EPHB1: variants seen among roughly 807,000 people sequenced by gnomAD.
The protein encoded by EPHB1 is ephrin type-B receptor 1.
A neutral mutation model predicts 94.4 loss-of-function variants in EPHB1; 30 were observed. That is an observed-to-expected ratio of 0.32 (90% CI 0.24 to 0.43). The LOEUF is 0.43. Among genes scored for constraint, EPHB1 ranks in the 20% least tolerant of loss-of-function variants. The pLI, the probability that EPHB1 is intolerant of heterozygous loss-of-function variation, is 1.00. For missense variants in EPHB1, 1,055 were observed against 1,308.3 expected (o/e 0.81, Z 2.99); for synonymous variants, 522 against 489.1 (o/e 1.07, Z -0.89).
At chr3:134,800,736 C>T (rs536614915) in intron 1 of EPHB1, among the ~76,000 whole-genome samples, 1 of 152,222 alleles carries the variant, frequency 6.6e-6, no homozygotes, top group African/African-American at 2.4e-5. Flanking sequence ...CTAAAGGGCC[C>T]CAGTGATTCA....
chr3:134,865,621 C>A, intron 1 of EPHB1, among the ~76,000 whole-genome samples: 1 of 145,760 alleles, frequency 6.9e-6, no homozygotes. Flanking sequence ...TAAAATGAAA[C>A]ATCAGCACAA....
intron 12 of EPHB1, among the ~76,000 whole-genome samples, chr3:135,228,809 T>C (rs1327840720): frequency 6.6e-6 from 1 of 151,996 alleles, no homozygotes; most frequent in Non-Finnish European, 1.5e-5. Context: ...CACAAGCCAA[T>C]CCTTTTGTTT....
At chr3:135,194,272 T>A (rs1483656254) in intron 11 of EPHB1, among the ~76,000 whole-genome samples, 1 of 152,212 alleles carries the variant, frequency 6.6e-6, no homozygotes, top group Admixed American at 6.5e-5. Context: ...CTGCCATCAA[T>A]GTAGTCCCTA....
At chr3:135,043,263 T>C (rs1010752912) in intron 3 of EPHB1, among the ~76,000 whole-genome samples, 1 of 148,084 alleles carries the variant, frequency 6.8e-6, no homozygotes, top group African/African-American at 2.5e-5. Context: ...AAATAATAAA[T>C]AATAATAATA....
At chr3:134,896,955 C>T (rs112865742) in intron 1 of EPHB1, among the ~76,000 whole-genome samples, 9 of 152,326 alleles carry the variant, frequency 5.9e-5, no homozygotes, top group African/African-American at 1.7e-4. Context: ...ATGCTCCTTG[C>T]GTAATATCTG....
At chr3:135,247,285 T>C (rs1443969770) in intron 13 of EPHB1, among the ~76,000 whole-genome samples, 1 of 152,246 alleles carries the variant, frequency 6.6e-6, no homozygotes, top group Non-Finnish European at 1.5e-5. Context: ...TTTTGTTTTT[T>C]ACAAAGCAAG....
intron 3 of EPHB1, among the ~76,000 whole-genome samples, chr3:135,098,865 A>C (rs1485367199): frequency 2.0e-5 from 3 of 151,900 alleles, no homozygotes; most frequent in Non-Finnish European, 4.4e-5. Context: ...TACAAAAATT[A>C]GTTAGGTGGT....
chr3:134,874,823 G>A (rs2037583896), intron 1 of EPHB1, among the ~76,000 whole-genome samples: 1 of 152,192 alleles, frequency 6.6e-6, no homozygotes, highest in Admixed American at 6.5e-5. Flanking sequence ...GTTCATGATT[G>A]TAGTTACCCG....
intron 3 of EPHB1, among the ~76,000 whole-genome samples, chr3:135,004,430 A>G (rs529825534): frequency 4.5e-4 from 69 of 151,840 alleles, no homozygotes; most frequent in African/African-American, 1.6e-3. Flanking sequence ...TCTGACACTT[A>G]TGTGTCTTGG....
At chr3:135,076,003 A>G (rs1329873299) in intron 3 of EPHB1, among the ~76,000 whole-genome samples, 1 of 152,182 alleles carries the variant, frequency 6.6e-6, no homozygotes, top group Non-Finnish European at 1.5e-5. Context: ...TGCTGAAACA[A>G]TTGGATATCC....
At chr3:134,959,966 CTTTTTT>C (rs61369813) in intron 3 of EPHB1, among the ~76,000 whole-genome samples, 67 of 107,288 alleles carry the variant, frequency 6.2e-4, no homozygotes, top group East Asian at 2.1e-3. Context: ...ACATCTGCAC[CTTTTTT>C]TTTTTTTTTT....
Position 134,834,362 on chromosome 3 carries a change from C to G in EPHB1, c.58+38673C>G, listed in dbSNP as rs190296670. On this transcript the variant is annotated intron_variant, in intron 1 of 15. Transcript: ENST00000398015. Reference sequence around the variant, plus strand: ...TTCTGATCTGGATTCCTAACTCTCCCCTCTAGTAGACCTCCAGAGTTAAGA... The same window carrying G: ...TTCTGATCTGGATTCCTAACTCTCCGCTCTAGTAGACCTCCAGAGTTAAGA... Among the ~76,000 whole-genome samples, 620 of 152,194 alleles carry G rather than the reference C, an allele frequency of 4.1e-3. 25 individuals are homozygous for G. The South Asian group carries it at 0.079, about 19-fold the overall frequency.
chr3:135,030,971 G>C (rs1479498867), intron 3 of EPHB1, among the ~76,000 whole-genome samples: 1 of 152,186 alleles, frequency 6.6e-6, no homozygotes, highest in Non-Finnish European at 1.5e-5. Context: ...ATTCGGGTGG[G>C]TGTGACCCTA....
At chr3:134,972,785 A>T (rs1934029589) in intron 3 of EPHB1, among the ~76,000 whole-genome samples, 2 of 152,230 alleles carry the variant, frequency 1.3e-5, no homozygotes, top group South Asian at 4.1e-4. Context: ...GAAGTTGTGG[A>T]TGGACTTCTC....
At chr3:135,201,767 G>A in intron 12 of EPHB1, 78 bp downstream of exon 12, 1 of 1,377,332 alleles carries the variant, frequency 7.3e-7, no homozygotes. Flanking sequence ...AACTGTGACA[G>A]GGCACACTGG....
At chr3:135,082,547 T>G (rs1938201265) in intron 3 of EPHB1, among the ~76,000 whole-genome samples, 1 of 152,140 alleles carries the variant, frequency 6.6e-6, no homozygotes, top group Non-Finnish European at 1.5e-5. Context: ...CCACATCCTG[T>G]AGGGACAGTG....
At chr3:134,795,912 G>A (rs1009944060) in intron 1 of EPHB1, among the ~76,000 whole-genome samples, 14 of 152,212 alleles carry the variant, frequency 9.2e-5, no homozygotes, top group Non-Finnish European at 2.9e-5. Flanking sequence ...TGGCTCGCGA[G>A]TCCCCCGGCT....
rs189895966 is a variant in EPHB1, at chr3:135,092,824, G to A, written c.806-13624G>A. Among the ~76,000 whole-genome samples the A allele has an allele frequency of 6.0e-3, 908 of 152,220 alleles. 6 individuals carry two copies. The highest frequency in any genetic ancestry group is 0.019 in the African/African-American group (792 of 41,542). On this transcript the variant is annotated intron_variant, in intron 3 of 15. Coordinates refer to ENST00000398015, the MANE Select transcript of EPHB1 (RefSeq NM_004441.5). ...GTATTTTTAGTAGAAATGAAGTTTT[G>A]ACATGTTGACCAGGCTGATCTCGAA...
intron 5 of EPHB1, among the ~76,000 whole-genome samples, chr3:135,145,409 G>C (rs1163067135): frequency 6.6e-6 from 1 of 152,144 alleles, no homozygotes; most frequent in Non-Finnish European, 1.5e-5. Context: ...GGATCTCACA[G>C]AAGTCCCTCG....
Sources: allele counts gnomAD v4.1 joint callset (sites outside exome capture counted in the v4.1 genomes callset), GRCh38; gene constraint gnomAD v4.1.1; transcripts MANE v1.5; gene names NCBI Gene and HGNC (gene_info 2026-07-23, HGNC 2026-07-21).